DNAAF11: variants seen among roughly 807,000 people sequenced by gnomAD.
DNAAF11 encodes the protein leucine rich repeat containing 6.
Under a neutral mutation model 60.8 loss-of-function variants are expected in DNAAF11, and 45 were observed. That is an observed-to-expected ratio of 0.74 (90% confidence interval 0.58 to 0.95). DNAAF11 has a LOEUF of 0.95. Ranked by LOEUF, DNAAF11 falls within the 40% of genes least tolerant of loss-of-function variation. The pLI is 0.00. For synonymous variants in DNAAF11, 191 were observed against 183.5 expected, an observed-to-expected ratio of 1.04 and a Z score of -0.33; for missense variants, 546 against 546.2, an observed-to-expected ratio of 1.00 and a Z score of 0.00.
intron 1 of DNAAF11, among the ~76,000 whole-genome samples, chr8:132,666,775 A>G (rs1003861330): frequency 6.6e-6 from 1 of 151,572 alleles, no homozygotes; most frequent in Non-Finnish European, 1.5e-5. Context: ...CCTTGCTTTC[A>G]TGGAGGTTGC....
rs970113847 is a variant in DNAAF11 at position 132,625,431 on chromosome 8, T to C, written c.677A>G (p.His226Arg). ...ATLSSLESKD[H>R]LQAPDTEEHN... ...TTCCTCTGTGTCTGGTGCCTGTAGG[T>C]GGTCTTTGCTCTCTAAAGAGGAACT... Residue 226 changes from histidine (H) to arginine (R), a missense_variant, in exon 6 of 12, where the codon CAC (histidine) becomes CGC (arginine). Transcript: ENST00000620350. The C allele has an allele frequency of 1.9e-6, 3 of 1,610,736 alleles. No homozygotes were observed. Among genetic ancestry groups the C allele is most frequent in the Non-Finnish European group, 2.5e-6 (3 of 1,178,774 alleles).
At chr8:132,599,203 ACCACC>A (rs1817336731) in intron 10 of DNAAF11, among the ~76,000 whole-genome samples, 1 of 152,154 alleles carries the variant, frequency 6.6e-6, no homozygotes, top group African/African-American at 2.4e-5. Context: ...GGACATATAC[ACCACC>A]CCAAGACTAA....
the DNAAF11 span, among the ~76,000 whole-genome samples, chr8:132,700,885 C>T: frequency 1.3e-5 from 2 of 152,144 alleles, no homozygotes; most frequent in African/African-American, 4.8e-5. Flanking sequence ...GTGTCTTCCT[C>T]ATTTTTATGC....
rs112379123 is a variant in DNAAF11 at position 132,631,036 on chromosome 8, C to T, written c.653+1704G>A. The stretch of plus-strand genomic sequence containing the variant: ...GCCATTGCTAAATACCCTGGAGAAA[C>T]TTTCATACCTGAACAAGGAGACAAG... On this transcript the variant is annotated intron_variant, in intron 5 of 11. Coordinates refer to ENST00000620350, the MANE Select transcript of DNAAF11 (RefSeq NM_012472.6). Among the ~76,000 whole-genome samples the T allele has an allele frequency of 3.7e-3, 559 of 152,274 alleles. 3 individuals are homozygous for T. Among genetic ancestry groups the T allele is most frequent in the African/African-American group, 0.013 (525 of 41,556 alleles).
intron 5 of DNAAF11, among the ~76,000 whole-genome samples, chr8:132,627,083 A>G (rs1820352996): frequency 6.6e-6 from 1 of 152,200 alleles, no homozygotes; most frequent in Non-Finnish European, 1.5e-5. Context: ...CTGAAAATAA[A>G]TAAATTGCTT....
intron 10 of DNAAF11, among the ~76,000 whole-genome samples, chr8:132,601,047 A>G (rs988543262): frequency 7.9e-5 from 12 of 152,230 alleles, no homozygotes; most frequent in Middle Eastern, 3.2e-3. Flanking sequence ...TAATATCCAG[A>G]ATCTACAAAG....
At chr8:132,600,694 ATG>A (rs1394458086) in intron 10 of DNAAF11, among the ~76,000 whole-genome samples, 1 of 152,244 alleles carries the variant, frequency 6.6e-6, no homozygotes, top group Non-Finnish European at 1.5e-5. Context: ...TATTTAATAA[ATG>A]GTGCTGGGAA....
At chr8:132,653,928 T>TGTAA in intron 3 of DNAAF11, among the ~76,000 whole-genome samples, 1 of 152,052 alleles carries the variant, frequency 6.6e-6, no homozygotes, top group Admixed American at 6.5e-5. Flanking sequence ...TTACATTAGG[T>TGTAA]GTAAATGGGT....
chr8:132,699,812 A>G, the DNAAF11 span, among the ~76,000 whole-genome samples: 4 of 152,356 alleles, frequency 2.6e-5, no homozygotes, highest in Admixed American at 1.3e-4. Flanking sequence ...TCGGATAAAC[A>G]TACAAACATT....
At chr8:132,656,632 T>G (rs760914321) in intron 3 of DNAAF11, among the ~76,000 whole-genome samples, 198 bp downstream of exon 3, 1 of 152,090 alleles carries the variant, frequency 6.6e-6, no homozygotes, top group African/African-American at 2.4e-5. Context: ...CCACCACGCC[T>G]GGCTAATTTT....
chr8:132,651,020 G>C (rs1822958256), intron 3 of DNAAF11, among the ~76,000 whole-genome samples: 1 of 152,192 alleles, frequency 6.6e-6, no homozygotes, highest in South Asian at 2.1e-4. Context: ...AACTGGCCAA[G>C]CTTGAGAAAA....
chr8:132,660,207 T>G (rs546578522), intron 2 of DNAAF11, among the ~76,000 whole-genome samples: 5 of 152,068 alleles, frequency 3.3e-5, no homozygotes, highest in African/African-American at 1.2e-4. Flanking sequence ...ACAGCAGCTA[T>G]CCTGTAATGA....
At chr8:132,671,011 G>T (rs1261754355) in intron 1 of DNAAF11, among the ~76,000 whole-genome samples, 2 of 152,066 alleles carry the variant, frequency 1.3e-5, no homozygotes, top group Non-Finnish European at 2.9e-5. Flanking sequence ...AGCAGAGAAA[G>T]ACTCTTCCCG....
the DNAAF11 span, among the ~76,000 whole-genome samples, chr8:132,700,744 C>T: frequency 3.9e-5 from 6 of 152,228 alleles, no homozygotes; most frequent in East Asian, 9.7e-4. Context: ...GTGTCTTATA[C>T]ATCCATCGTC....
At chr8:132,675,685 C>T (rs572442554), upstream of DNAAF11, 55 of 491,734 alleles carry the variant, frequency 1.1e-4, no homozygotes, top group African/African-American at 9.4e-4. Flanking sequence ...GAGGAGACCG[C>T]AGTGAAGGGG....
rs138393192 is a variant in DNAAF11 at position 132,586,329 on chromosome 8, A to C, written c.1141-2550T>G. On this transcript the variant is annotated intron_variant, in intron 10 of 11. Coordinates refer to ENST00000620350, the MANE Select transcript of DNAAF11 (RefSeq NM_012472.6). ...CTCTGTGCTATCCAACACAATAGCT[A>C]CCAGCTGCCTGTGGCTACTAAGCAC... is the stretch of plus-strand genomic sequence containing the variant. Among the ~76,000 whole-genome samples the C allele has an allele frequency of 6.5e-3, 990 of 152,340 alleles. 10 individuals are homozygous for C. The highest frequency in any genetic ancestry group is 0.023 in the African/African-American group (941 of 41,578).
intron 11 of DNAAF11, among the ~76,000 whole-genome samples, chr8:132,581,425 G>A (rs912523394): frequency 4.6e-5 from 7 of 151,992 alleles, no homozygotes; most frequent in Non-Finnish European, 8.8e-5. Flanking sequence ...CAAGGCAGGC[G>A]GATCACAGGA....
chr8:132,631,289 C>T (rs1320251672), intron 5 of DNAAF11, among the ~76,000 whole-genome samples: 1 of 152,094 alleles, frequency 6.6e-6, no homozygotes, highest in Non-Finnish European at 1.5e-5. Context: ...CAGCTGGCAC[C>T]ACTAGGAAGA....
chr8:132,598,152 A>T (rs1416351879), intron 10 of DNAAF11, among the ~76,000 whole-genome samples: 1 of 152,220 alleles, frequency 6.6e-6, no homozygotes, highest in East Asian at 1.9e-4. Flanking sequence ...AGTATTCAAC[A>T]CTGTGTGTGG....
Sources: gnomAD v4.1 joint callset for allele counts (sites outside exome capture counted in the v4.1 genomes callset) on GRCh38, gnomAD v4.1.1 for gene constraint, MANE v1.5 for transcripts, NCBI Gene and HGNC (gene_info 2026-07-23, HGNC 2026-07-21) for gene names.